Variants in BDNF observed in about 807,000 individuals in gnomAD.
The protein encoded by BDNF is brain derived neurotrophic factor.
In BDNF, 1 loss-of-function variant was observed where a neutral mutation model predicts 19.5. That is an observed-to-expected ratio of 0.05 (90% CI 0.02 to 0.24). BDNF has a LOEUF of 0.24. BDNF is among the 10% of genes least tolerant of loss of function. The pLI is 1.00. For synonymous variants in BDNF, 100 were observed against 121.6 expected, an observed-to-expected ratio of 0.82 and a Z score of 1.17; for missense variants, 195 against 317.6, an observed-to-expected ratio of 0.61 and a Z score of 2.93.
At chr11:27,695,034 G>A (rs1858822817) in intron 1 of BDNF, among the ~76,000 whole-genome samples, 1 of 152,108 alleles carries the variant, frequency 6.6e-6, no homozygotes, top group African/African-American at 2.4e-5. Flanking sequence ...GGATCTGCTT[G>A]TTTTAAAATT....
rs59680578 is a variant in BDNF at position 27,717,085 on chromosome 11, A to T, written c.3+4327T>A. ...AGGCCAGGAAAAGGAAAGAAACTAA[A>T]TTCACCAGCTTCTCTTCTTATTAAG... On this transcript the variant is annotated intron_variant, in intron 1 of 1. Transcript: ENST00000314915. Among the ~76,000 whole-genome samples the T allele has an allele frequency of 7.3e-3, 1,111 of 152,322 alleles. 12 individuals carry two copies. Among genetic ancestry groups the T allele is most frequent in the African/African-American group, 0.025 (1,035 of 41,562 alleles).
At chr11:27,701,669 T>C (rs1859904680), upstream of BDNF, 1 of 967,412 alleles carries the variant, frequency 1.0e-6, no homozygotes, top group Admixed American at 6.1e-5. Flanking sequence ...TGCCTTGACG[T>C]GCGCTGTCAT....
intron 1 of BDNF, among the ~76,000 whole-genome samples, chr11:27,666,091 G>A (rs1314385463): frequency 2.6e-5 from 4 of 152,182 alleles, no homozygotes; most frequent in Non-Finnish European, 4.4e-5. Flanking sequence ...CAATCAGGGA[G>A]CAACATTTGC....
upstream of BDNF, chr11:27,701,127 C>T: frequency 7.8e-7 from 1 of 1,274,808 alleles, no homozygotes; most frequent in South Asian, 1.2e-5. Context: ...AATAGGAATT[C>T]AATCAAGATA....
chr11:27,699,325 C>T lies in BDNF; in HGVS notation c.-22+839G>A, dbSNP rs111786034. 9.2e-4 allele frequency: 1,480 copies of T among 1,606,702 alleles called. 14 individuals are homozygous for T. In the African/African-American group the frequency reaches 0.018, roughly 19 times the overall value. ...TCTGTAATCTCCCCTTCTTCTTGCCCGTCAGGCACAGAGCCCCCAATCCTC... is the reference window on the plus strand; with the variant it reads ...TCTGTAATCTCCCCTTCTTCTTGCCTGTCAGGCACAGAGCCCCCAATCCTC... On this transcript the variant is annotated intron_variant, in intron 1 of 1. Coordinates refer to ENST00000356660, the MANE Select transcript of BDNF (RefSeq NM_001709.5).
chr11:27,697,160 CACACAGAGAGAGAGAG>C (rs1338950116), intron 1 of BDNF, among the ~76,000 whole-genome samples: 3 of 117,928 alleles, frequency 2.5e-5, no homozygotes, highest in African/African-American at 8.8e-5. Flanking sequence ...CACACACACA[CACACAGAGAGAGAGAG>C]AGAGAGAGAG....
intron 1 of BDNF, among the ~76,000 whole-genome samples, chr11:27,664,312 T>G (rs1415346540): frequency 6.6e-6 from 1 of 152,208 alleles, no homozygotes; most frequent in Non-Finnish European, 1.5e-5. Context: ...GTTCATTCAT[T>G]CATCACACAT....
intron 1 of BDNF, among the ~76,000 whole-genome samples, chr11:27,718,351 A>ACCCCCC (rs774498386): frequency 1.8e-4 from 16 of 87,456 alleles, no homozygotes; most frequent in East Asian, 8.3e-4. Flanking sequence ...CGTTCCGCAC[A>ACCCCCC]CCACCCCCCC....
Position 27,699,501 on chromosome 11 carries a change from G to C in BDNF, c.-22+663C>G. The C allele has an allele frequency of 3.1e-6, 5 of 1,613,370 alleles. No individual in the cohort carries two copies. In the East Asian group the frequency reaches 8.9e-5, roughly 29 times the overall value. Reference sequence around the variant, plus strand: ...AACTTCCCTGGAGGGCGCTTCAGAAGAGGGGCGCAGGATGGGTAGAGATGT... The same window carrying C: ...AACTTCCCTGGAGGGCGCTTCAGAACAGGGGCGCAGGATGGGTAGAGATGT... On this transcript the variant is annotated intron_variant, in intron 1 of 1. Transcript: ENST00000356660.
intron 1 of BDNF, among the ~76,000 whole-genome samples, chr11:27,708,103 C>T (rs1259462238): frequency 6.6e-6 from 1 of 152,096 alleles, no homozygotes; most frequent in Non-Finnish European, 1.5e-5. Flanking sequence ...GGCATGTTTT[C>T]CTGAAGGCCT....
At chr11:27,712,569 T>G (rs1487501827) in intron 1 of BDNF, among the ~76,000 whole-genome samples, 2 of 151,650 alleles carry the variant, frequency 1.3e-5, no homozygotes, top group Non-Finnish European at 2.9e-5. Flanking sequence ...CAGGCTGGAG[T>G]GCAGTGGCTA....
At chr11:27,684,889 T>C (rs1256904612) in intron 1 of BDNF, among the ~76,000 whole-genome samples, 1 of 152,178 alleles carries the variant, frequency 6.6e-6, no homozygotes, top group African/African-American at 2.4e-5. Flanking sequence ...GCCAGGTTTT[T>C]GTATCAGGAT....
intron 1 of BDNF, among the ~76,000 whole-genome samples, chr11:27,706,023 G>T (rs1860093854): frequency 6.6e-6 from 1 of 152,212 alleles, no homozygotes; most frequent in Admixed American, 6.5e-5. Flanking sequence ...TAGGTTTGGT[G>T]TGTAGAAAGA....
At chr11:27,666,027 C>T (rs930882544) in intron 1 of BDNF, among the ~76,000 whole-genome samples, 16 of 152,110 alleles carry the variant, frequency 1.1e-4, no homozygotes, top group Admixed American at 7.9e-4. Context: ...CAGTAGGGGC[C>T]GACTGACACC....
chr11:27,663,242 A>C (rs931993105), intron 1 of BDNF, among the ~76,000 whole-genome samples: 4 of 152,238 alleles, frequency 2.6e-5, no homozygotes, highest in African/African-American at 9.6e-5. Context: ...AATATTGCTA[A>C]GCAGATTATA....
In BDNF at chr11:27,658,220, A is replaced by G; in HGVS notation, c.345T>C (p.Asn115=). 1 of 1,613,878 alleles carries G rather than the reference A, an allele frequency of 6.2e-7. No homozygotes were observed. Among genetic ancestry groups the G allele is most frequent in the Non-Finnish European group, 8.5e-7 (1 of 1,180,004 alleles). ...PLLFLLEEYK[N]YLDAANMSMR... ...TGGACATGTTTGCAGCATCTAGGTA[A>G]TTTTTGTATTCCTCCAGCAGAAAGA... Residue 115 remains asparagine, a synonymous_variant, in exon 2 of 2, where the codon AAT becomes AAC. Transcript: ENST00000356660. The surrounding 1 kb of genome is among the most constrained non-coding windows in gnomAD (Gnocchi z 5.7).
chr11:27,683,779 A>G (rs184536159), intron 1 of BDNF, among the ~76,000 whole-genome samples: 1 of 152,268 alleles, frequency 6.6e-6, no homozygotes, highest in Admixed American at 6.5e-5. Flanking sequence ...CTGTTTATGT[A>G]CCAGTACCAT....
intron 1 of BDNF, chr11:27,674,178 C>CCG (rs748154574): frequency 5.5e-5 from 89 of 1,609,048 alleles, no homozygotes; most frequent in Non-Finnish European, 7.5e-5. Flanking sequence ...TGGGTAGACG[C>CCG]CAAAACATGT....
At chr11:27,660,717 A>G (rs538869572) in intron 1 of BDNF, among the ~76,000 whole-genome samples, 2 of 152,120 alleles carry the variant, frequency 1.3e-5, no homozygotes, top group Non-Finnish European at 2.9e-5. Context: ...GACATTTTAT[A>G]TATCACTAAG....
Sources: allele counts gnomAD v4.1 joint callset (sites outside exome capture counted in the v4.1 genomes callset), GRCh38; gene constraint gnomAD v4.1.1; non-coding constraint Gnocchi (gnomAD v3.1); transcripts MANE v1.5; gene names NCBI Gene and HGNC (gene_info 2026-07-23, HGNC 2026-07-21).